The following PCDHA6 variants were observed in gnomAD, a reference collection of about 807,000 sequenced individuals.
PCDHA6 encodes protocadherin alpha 6.
In PCDHA6, 55 loss-of-function variants were observed where a neutral mutation model predicts 60.3. That is an observed-to-expected ratio of 0.91 (90% CI 0.73 to 1.14). The LOEUF is 1.14. PCDHA6 is among the 50% of genes most tolerant of loss of function. PCDHA6 has a pLI of 0.00. For missense variants in PCDHA6, 1,327 were observed against 1,256.5 expected (o/e 1.06, Z -0.85); for synonymous variants, 652 against 557.9 (o/e 1.17, Z -2.38).
rs781815387 is a variant in PCDHA6, at chr5:140,978,983, C to A, written c.2429C>A (p.Ala810Asp). The part of the protein sequence containing the change: ...RQPNPDWRYS[A>D]SLRAGMHSSV... Reference sequence around the variant, plus strand: ...CCCAACCCTGACTGGCGTTACTCTGCCTCCCTGAGAGCAGGCATGCACAGG... The same window carrying A: ...CCCAACCCTGACTGGCGTTACTCTGACTCCCTGAGAGCAGGCATGCACAGG... Residue 810 changes from alanine (A) to aspartate (D), a missense_variant, in exon 2 of 4, where the codon GCC (alanine) becomes GAC (aspartate). By Grantham distance (126) the Ala-to-Asp change is moderately radical. Transcript: ENST00000529310. 1.6e-5 allele frequency: 26 copies of A among 1,614,142 alleles called. No homozygotes were observed. Among genetic ancestry groups the A allele is most frequent in the Non-Finnish European group, 2.2e-5 (26 of 1,180,024 alleles).
At chr5:140,927,094 G>C (rs555838945) in intron 1 of PCDHA6, 4 of 1,612,890 alleles carry the variant, frequency 2.5e-6, no homozygotes. Context: ...CTACTTCGGG[G>C]TGGATCTACC....
At chr5:140,880,512 C>T (rs1296325164) in intron 1 of PCDHA6, among the ~76,000 whole-genome samples, 4 of 152,314 alleles carry the variant, frequency 2.6e-5, no homozygotes, top group South Asian at 4.1e-4. Flanking sequence ...TGTTTGGTCA[C>T]ATCTCTCAAT....
At chr5:141,004,188 TA>T (rs1391411358) in intron 3 of PCDHA6, among the ~76,000 whole-genome samples, 5 of 152,260 alleles carry the variant, frequency 3.3e-5, no homozygotes, top group African/African-American at 1.2e-4. Flanking sequence ...TGAGTGCTCT[TA>T]ACCAAAAGGA....
intron 1 of PCDHA6, chr5:140,858,372 C>CACATCT: frequency 6.3e-7 from 1 of 1,587,864 alleles, no homozygotes; most frequent in Non-Finnish European, 8.6e-7. Flanking sequence ...CCCAGCCTTC[C>CACATCT]ACCATGCCCA....
At chr5:140,882,961 G>A (rs267600401) in intron 1 of PCDHA6, 1 of 1,614,180 alleles carries the variant, frequency 6.2e-7, no homozygotes, top group Non-Finnish European at 8.5e-7. Context: ...TGCTCATCAC[G>A]ATTCTGGACG....
At chr5:140,849,062 A>G (rs2040761677) in intron 1 of PCDHA6, 2 of 1,547,906 alleles carry the variant, frequency 1.3e-6, no homozygotes, top group South Asian at 1.1e-5. Context: ...ACCAGCAGGT[A>G]AAACCTCTTG....
rs782392001 is a variant in PCDHA6 at position 140,857,340 on chromosome 5, C to G, written c.2394+26855C>G. 2.5e-6 allele frequency: 4 copies of G among 1,598,236 alleles called. No individual in the cohort carries two copies. The South Asian group carries it at 4.4e-5, about 18-fold the overall frequency. ...GTGGTGACCGCGCGGGACGGGGGCTCGCCTCCGCTGTGGGCCACGGCCAGC... is the reference window on the plus strand; with the variant it reads ...GTGGTGACCGCGCGGGACGGGGGCTGGCCTCCGCTGTGGGCCACGGCCAGC... On this transcript the variant is annotated intron_variant, in intron 1 of 3. Coordinates refer to ENST00000529310, the MANE Select transcript of PCDHA6 (RefSeq NM_018909.4).
chr5:140,986,656 C>T (rs141575317), intron 3 of PCDHA6, among the ~76,000 whole-genome samples: 2 of 152,290 alleles, frequency 1.3e-5, no homozygotes, highest in East Asian at 1.9e-4. Context: ...GTGGGAGATG[C>T]TCACAGTTTT....
At chr5:140,958,888 A>G (rs1563299951) in intron 1 of PCDHA6, among the ~76,000 whole-genome samples, 3 of 152,040 alleles carry the variant, frequency 2.0e-5, no homozygotes, top group African/African-American at 7.2e-5. Flanking sequence ...ACCAGTAGCT[A>G]TATAATAGAT....
intron 1 of PCDHA6, among the ~76,000 whole-genome samples, chr5:140,944,240 T>C (rs374307364): frequency 2.1e-4 from 32 of 152,316 alleles, no homozygotes; most frequent in African/African-American, 7.5e-4. Flanking sequence ...CAGGCTGGAG[T>C]GCAGTGATGT....
At chr5:140,963,032 T>G (rs541613535) in intron 1 of PCDHA6, among the ~76,000 whole-genome samples, 2 of 152,172 alleles carry the variant, frequency 1.3e-5, no homozygotes, top group African/African-American at 2.4e-5. Flanking sequence ...CAATTAACAT[T>G]TATTGAGAGT....
intron 1 of PCDHA6, chr5:140,862,885 A>C (rs782336518): frequency 3.5e-6 from 2 of 563,674 alleles, no homozygotes; most frequent in Admixed American, 3.8e-5. Flanking sequence ...TAGTGCTGGA[A>C]CGACAACTTT....
At chr5:140,950,882 G>C (rs1182849126) in intron 1 of PCDHA6, among the ~76,000 whole-genome samples, 1 of 151,764 alleles carries the variant, frequency 6.6e-6, no homozygotes, top group Non-Finnish European at 1.5e-5. Flanking sequence ...TTGTTCAATA[G>C]GTCTCTGAGA....
At chr5:141,007,688 C>A (rs1554261446) in intron 3 of PCDHA6, among the ~76,000 whole-genome samples, 1 of 152,170 alleles carries the variant, frequency 6.6e-6, no homozygotes, top group Admixed American at 6.5e-5. Flanking sequence ...ATCCTACTTC[C>A]ACCTCCCTCC....
At chr5:140,899,894 A>G (rs2067617727) in intron 1 of PCDHA6, among the ~76,000 whole-genome samples, 1 of 151,938 alleles carries the variant, frequency 6.6e-6, no homozygotes, top group African/African-American at 2.4e-5. Context: ...TGCAGCCTTG[A>G]CATCCTGGGC....
chr5:140,859,991 A>G (rs1486965129), intron 1 of PCDHA6: 1 of 152,000 alleles, frequency 6.6e-6, no homozygotes, highest in Admixed American at 6.6e-5. Context: ...TAATCTCTCC[A>G]TCAATACTAA....
chr5:140,994,558 A>G (rs1414971844), intron 3 of PCDHA6, among the ~76,000 whole-genome samples: 4 of 151,948 alleles, frequency 2.6e-5, no homozygotes, highest in Non-Finnish European at 5.9e-5. Context: ...TATAAAAATT[A>G]GCCGGGTGTG....
intron 3 of PCDHA6, among the ~76,000 whole-genome samples, chr5:140,986,398 G>A (rs973049448): frequency 7.2e-5 from 11 of 152,174 alleles, no homozygotes; most frequent in African/African-American, 2.4e-4. Flanking sequence ...AGGGCCAGTC[G>A]CTCATGTTAC....
chr5:141,009,501 C>T (rs2098410009), intron 3 of PCDHA6, 126 bp from the exon 4 acceptor site: 4 of 1,492,480 alleles, frequency 2.7e-6, no homozygotes, highest in Non-Finnish European at 3.6e-6. Context: ...CAGACTTGAA[C>T]AAACAACTCG....
Sources: allele counts gnomAD v4.1 joint callset (sites outside exome capture counted in the v4.1 genomes callset), GRCh38; gene constraint gnomAD v4.1.1; transcripts MANE v1.5; gene names NCBI Gene and HGNC (gene_info 2026-07-23, HGNC 2026-07-21).